C12orf42: variants seen among roughly 807,000 people sequenced by gnomAD.
The protein encoded by C12orf42 is uncharacterized protein C12orf42.
C12orf42 carries 25 observed loss-of-function variants against 21.6 expected under a neutral mutation model. The ratio of observed to expected loss-of-function variants is 1.16; its 90% CI spans 0.84 to 1.62. C12orf42 has a LOEUF of 1.62. C12orf42 is among the 40% of genes most tolerant of loss of function. The pLI, the probability that C12orf42 is intolerant of heterozygous loss-of-function variation, is 0.00. For synonymous variants in C12orf42, 174 were observed against 175.0 expected, an observed-to-expected ratio of 0.99 and a Z score of 0.05; for missense variants, 483 against 459.3, an observed-to-expected ratio of 1.05 and a Z score of -0.47.
At chr12:103,051,559 G>A in the C12orf42 span, among the ~76,000 whole-genome samples, 1 of 152,246 alleles carries the variant, frequency 6.6e-6, no homozygotes, top group East Asian at 1.9e-4. Flanking sequence ...TCTTCTTTTA[G>A]GGATATCTTT....
chr12:103,264,155 A>C (rs1397203465), downstream of C12orf42, among the ~76,000 whole-genome samples: 1 of 152,128 alleles, frequency 6.6e-6, no homozygotes, highest in Non-Finnish European at 1.5e-5. Context: ...TGAGAAAGTA[A>C]CAATGCTTCT....
chr12:103,160,259 G>A, the C12orf42 span, among the ~76,000 whole-genome samples: 1 of 152,090 alleles, frequency 6.6e-6, no homozygotes, highest in African/African-American at 2.4e-5. Flanking sequence ...AGAACCACAG[G>A]GAGTTGCATA....
intron 10 of C12orf42, among the ~76,000 whole-genome samples, chr12:103,258,128 G>A (rs1336140955): frequency 2.0e-5 from 3 of 152,018 alleles, no homozygotes; most frequent in Non-Finnish European, 2.9e-5. Flanking sequence ...GAGAATAAAA[G>A]ATACACACAA....
intron 3 of C12orf42, among the ~76,000 whole-genome samples, chr12:103,377,946 T>C (rs2045847301): frequency 6.6e-6 from 1 of 152,216 alleles, no homozygotes; most frequent in Admixed American, 6.5e-5. Context: ...TCTCTTTGTC[T>C]TTATCCTTGT....
intron 2 of C12orf42, among the ~76,000 whole-genome samples, chr12:103,409,218 T>C (rs1358672306): frequency 6.6e-6 from 1 of 152,184 alleles, no homozygotes; most frequent in Non-Finnish European, 1.5e-5. Context: ...AGGAGTCCTT[T>C]CAGTGGTAAT....
intron 10 of C12orf42, among the ~76,000 whole-genome samples, chr12:103,257,836 T>C (rs987282284): frequency 6.6e-6 from 1 of 151,832 alleles, no homozygotes; most frequent in Non-Finnish European, 1.5e-5. Flanking sequence ...TAAAAAAAGA[T>C]TTAAAGCAAC....
chr12:103,398,407 T>TCCTTGTTAGTATTTGCTCTCCAA (rs2047709285), intron 3 of C12orf42, among the ~76,000 whole-genome samples: 1 of 152,198 alleles, frequency 6.6e-6, no homozygotes, highest in East Asian at 1.9e-4. Context: ...CTATGTAAAT[T>TCCTTGTTAGTATTTGCTCTCCAA]ATAGATATAA....
At chr12:103,374,615 G>T (rs1362583510) in intron 3 of C12orf42, among the ~76,000 whole-genome samples, 1 of 152,042 alleles carries the variant, frequency 6.6e-6, no homozygotes, top group Non-Finnish European at 1.5e-5. Context: ...GGTCAGGGGT[G>T]TCCAATCTTG....
At chr12:103,053,632 C>T in the C12orf42 span, among the ~76,000 whole-genome samples, 63 of 152,028 alleles carry the variant, frequency 4.1e-4, no homozygotes, top group African/African-American at 1.4e-3. Context: ...TTTTAAAAAA[C>T]TGAATTGTGT....
chr12:103,183,219 C>G, the C12orf42 span, among the ~76,000 whole-genome samples: 1 of 152,174 alleles, frequency 6.6e-6, no homozygotes, highest in Non-Finnish European at 1.5e-5. Flanking sequence ...GTAGCTGGAA[C>G]TACAGGCACA....
chr12:103,135,932 C>A, the C12orf42 span, among the ~76,000 whole-genome samples: 1 of 152,168 alleles, frequency 6.6e-6, no homozygotes, highest in African/African-American at 2.4e-5. Context: ...CCATGTATGA[C>A]AAACCCACAG....
chr12:103,491,437 A>G (rs892301124), intron 1 of C12orf42, among the ~76,000 whole-genome samples: 1 of 152,214 alleles, frequency 6.6e-6, no homozygotes, highest in Non-Finnish European at 1.5e-5. Flanking sequence ...AGAAAAAAAT[A>G]TAGAAACAAA....
intron 4 of C12orf42, among the ~76,000 whole-genome samples, chr12:103,319,900 G>A (rs1015560393): frequency 2.6e-5 from 4 of 152,162 alleles, no homozygotes; most frequent in Non-Finnish European, 5.9e-5. Flanking sequence ...TGACCAATCA[G>A]GAGTGGTCCA....
intron 4 of C12orf42, among the ~76,000 whole-genome samples, chr12:103,315,689 A>G (rs1421172943): frequency 6.6e-6 from 1 of 152,192 alleles, no homozygotes; most frequent in African/African-American, 2.4e-5. Flanking sequence ...AATGACAGAC[A>G]CAAAACAGTA....
chr12:103,238,914 G>T (rs1209241420), intron 10 of C12orf42, among the ~76,000 whole-genome samples: 1 of 152,166 alleles, frequency 6.6e-6, no homozygotes, highest in Non-Finnish European at 1.5e-5. Context: ...CCTAGTTAAG[G>T]GATTGACCCT....
chr12:103,203,787 T>C, the C12orf42 span, among the ~76,000 whole-genome samples: 1 of 152,194 alleles, frequency 6.6e-6, no homozygotes, highest in Non-Finnish European at 1.5e-5. Context: ...CTCTCAACTT[T>C]GGGTTACAGC....
intron 4 of C12orf42, among the ~76,000 whole-genome samples, chr12:103,358,950 C>T (rs1366912729): frequency 6.6e-6 from 1 of 152,024 alleles, no homozygotes; most frequent in African/African-American, 2.4e-5. Flanking sequence ...TCCAAAACTC[C>T]CCATTGTAAC....
the C12orf42 span, among the ~76,000 whole-genome samples, chr12:103,206,498 T>A: frequency 6.7e-6 from 1 of 148,280 alleles, no homozygotes; most frequent in Non-Finnish European, 1.5e-5. Flanking sequence ...AATACATTAA[T>A]CTTTTTTGGA....
intron 4 of C12orf42, among the ~76,000 whole-genome samples, chr12:103,314,610 G>T (rs2039284393): frequency 6.6e-6 from 1 of 152,140 alleles, no homozygotes; most frequent in African/African-American, 2.4e-5. Context: ...GTCTGAAAAA[G>T]ATTCCGTCAT....
Sources: gnomAD v4.1 joint callset for allele counts (sites outside exome capture counted in the v4.1 genomes callset) on GRCh38, gnomAD v4.1.1 for gene constraint, MANE v1.5 for transcripts, NCBI Gene and HGNC (gene_info 2026-07-23, HGNC 2026-07-21) for gene names.